The following NHERF1 variants were observed in gnomAD, a reference collection of about 807,000 sequenced individuals.
NHERF1 encodes Na(+)/H(+) exchange regulatory cofactor NHE-RF1.
At chr17:74,763,144 G>A in the NHERF1 span, 107 of 505,896 alleles carry the variant, frequency 2.1e-4, no homozygotes, top group Non-Finnish European at 3.2e-4. Context: ...GGATATTTTC[G>A]TTGGCCCTTC....
chr17:74,761,187 C>T, the NHERF1 span, among the ~76,000 whole-genome samples: 7 of 152,208 alleles, frequency 4.6e-5, no homozygotes, highest in Admixed American at 4.6e-4. The surrounding 1 kb of genome is among the most constrained non-coding windows in gnomAD (Gnocchi z 4.3). Context: ...GTAGGTCACA[C>T]CCTCCAGGCC....
chr17:74,762,847 C>T, the NHERF1 span, among the ~76,000 whole-genome samples: 1 of 152,236 alleles, frequency 6.6e-6, no homozygotes, highest in Non-Finnish European at 1.5e-5. This position sits in a 1 kb window ranked among gnomAD's most constrained non-coding sequence, Gnocchi z 4.2. Flanking sequence ...CGTGAGCCAC[C>T]TCACCCGGCC....
the NHERF1 span, among the ~76,000 whole-genome samples, chr17:74,749,578 C>T: frequency 1.3e-5 from 2 of 152,188 alleles, no homozygotes; most frequent in Non-Finnish European, 2.9e-5. This position sits in a 1 kb window ranked among gnomAD's most constrained non-coding sequence, Gnocchi z 5.6. Context: ...GGGAACCCAG[C>T]CCCCTTCCCT....
At chr17:74,749,424 C>T in the NHERF1 span, 1 of 837,656 alleles carries the variant, frequency 1.2e-6, no homozygotes, top group Admixed American at 3.0e-5. This position sits in a 1 kb window ranked among gnomAD's most constrained non-coding sequence, Gnocchi z 5.6. Context: ...ACCGCTTCCG[C>T]CCGCCGACCA....
At chr17:74,758,724 G>A in the NHERF1 span, among the ~76,000 whole-genome samples, 1,521 of 152,260 alleles carry the variant, frequency 1.0e-2, 23 homozygotes, top group African/African-American at 0.034. This position sits in a 1 kb window ranked among gnomAD's most constrained non-coding sequence, Gnocchi z 4.3. Flanking sequence ...ATGCCTGGAC[G>A]TCACTCCCAT....
At chr17:74,761,444 G>C in the NHERF1 span, among the ~76,000 whole-genome samples, 3 of 152,212 alleles carry the variant, frequency 2.0e-5, no homozygotes, top group Admixed American at 1.3e-4. This position sits in a 1 kb window ranked among gnomAD's most constrained non-coding sequence, Gnocchi z 4.3. Flanking sequence ...CATTCGGCTT[G>C]GTGGGGGTGA....
chr17:74,759,613 G>C, the NHERF1 span, among the ~76,000 whole-genome samples: 1 of 152,234 alleles, frequency 6.6e-6, no homozygotes, highest in Non-Finnish European at 1.5e-5. Flanking sequence ...GAGGCCCTGA[G>C]CGCCCGGAAG....
At chr17:74,762,072 C>A in the NHERF1 span, 8 of 1,614,132 alleles carry the variant, frequency 5.0e-6, no homozygotes, top group Non-Finnish European at 3.4e-6. This position sits in a 1 kb window ranked among gnomAD's most constrained non-coding sequence, Gnocchi z 4.2. Context: ...TGGCTTCAAC[C>A]TGCACAGCGA....
chr17:74,759,460 G>A, the NHERF1 span, among the ~76,000 whole-genome samples: 1 of 152,172 alleles, frequency 6.6e-6, no homozygotes, highest in Non-Finnish European at 1.5e-5. Flanking sequence ...CAGAGGATGG[G>A]CATCCCAAAG....
At chr17:74,766,606 G>A in the NHERF1 span, among the ~76,000 whole-genome samples, 1 of 151,932 alleles carries the variant, frequency 6.6e-6, no homozygotes, top group Non-Finnish European at 1.5e-5. Context: ...AAATCTTTGT[G>A]TGTGCTGAGT....
the NHERF1 span, among the ~76,000 whole-genome samples, chr17:74,755,969 T>C: frequency 5.9e-5 from 9 of 151,342 alleles, no homozygotes; most frequent in East Asian, 1.9e-4. Context: ...TTTTTTTTTT[T>C]TGGAGGCAGA....
At chr17:74,768,553 T>G in the NHERF1 span, 1 of 1,613,574 alleles carries the variant, frequency 6.2e-7, no homozygotes, top group East Asian at 2.2e-5. Flanking sequence ...GACTTCAACA[T>G]CTCCCTGGCC....
the NHERF1 span, among the ~76,000 whole-genome samples, chr17:74,761,704 A>G: frequency 6.6e-6 from 1 of 152,146 alleles, no homozygotes; most frequent in East Asian, 1.9e-4. This position sits in a 1 kb window ranked among gnomAD's most constrained non-coding sequence, Gnocchi z 4.3. Context: ...TTCACCTTAG[A>G]CTGTCAGAAG....
At chr17:74,763,045 A>G in the NHERF1 span, 1 of 272,684 alleles carries the variant, frequency 3.7e-6, no homozygotes, top group East Asian at 7.4e-5. Context: ...GAAGTCGGAC[A>G]GCAAGTCCTT....
At chr17:74,759,732 G>A in the NHERF1 span, among the ~76,000 whole-genome samples, 1 of 152,254 alleles carries the variant, frequency 6.6e-6, no homozygotes, top group South Asian at 2.1e-4. Flanking sequence ...CCTGACTCCT[G>A]TTGGGTCCTC....
At chr17:74,763,259 A>C in the NHERF1 span, 8 of 1,100,614 alleles carry the variant, frequency 7.3e-6, no homozygotes, top group African/African-American at 1.3e-4. Context: ...TGTGAACTGC[A>C]AACTGGCTGA....
the NHERF1 span, among the ~76,000 whole-genome samples, chr17:74,753,269 G>C: frequency 6.6e-6 from 1 of 152,164 alleles, no homozygotes; most frequent in African/African-American, 2.4e-5. Flanking sequence ...GCTAGTTTGG[G>C]GTGTTTCCTG....
At chr17:74,767,620 T>C in the NHERF1 span, among the ~76,000 whole-genome samples, 1 of 152,224 alleles carries the variant, frequency 6.6e-6, no homozygotes, top group Non-Finnish European at 1.5e-5. Context: ...GCCCTCAACC[T>C]TCTTTCACCT....
chr17:74,768,130 C>T, the NHERF1 span: 1 of 1,578,866 alleles, frequency 6.3e-7, no homozygotes, highest in Non-Finnish European at 8.7e-7. Flanking sequence ...AACCCACAAC[C>T]CTCTCCTCTC....
Sources: allele counts gnomAD v4.1 joint callset (sites outside exome capture counted in the v4.1 genomes callset), GRCh38; gene constraint gnomAD v4.1.1; non-coding constraint Gnocchi (gnomAD v3.1); transcripts MANE v1.5; gene names NCBI Gene and HGNC (gene_info 2026-07-23, HGNC 2026-07-21).